The following SETBP1 variants were observed in gnomAD, a reference collection of about 807,000 sequenced individuals.
The protein encoded by SETBP1 is SET binding protein 1.
Under a neutral mutation model 101.0 loss-of-function variants are expected in SETBP1, and 9 were observed. The ratio of observed to expected loss-of-function variants is 0.09; its 90% CI spans 0.05 to 0.16. The LOEUF (loss-of-function observed/expected upper bound fraction) is 0.16, where lower values mean the gene tolerates loss of function less well. Ranked by LOEUF, SETBP1 falls within the 10% of genes least tolerant of loss-of-function variation. The probability of loss-of-function intolerance (pLI) is 1.00; values close to 1 mark genes in which losing one functional copy is unlikely to be tolerated. For missense variants in SETBP1, 1,858 were observed against 2,033.8 expected (o/e 0.91, Z 1.66); for synonymous variants, 818 against 788.5 (o/e 1.04, Z -0.63).
intron 2 of SETBP1, among the ~76,000 whole-genome samples, chr18:44,806,495 A>G (rs1434283355): frequency 1.3e-5 from 2 of 151,972 alleles, no homozygotes; most frequent in African/African-American, 4.8e-5. Context: ...TTTATGTACC[A>G]GTTTGTTTTG....
At chr18:45,049,285 T>C (rs2073681894) in intron 5 of SETBP1, among the ~76,000 whole-genome samples, 1 of 152,044 alleles carries the variant, frequency 6.6e-6, no homozygotes, top group African/African-American at 2.4e-5. Flanking sequence ...AGCATTTATA[T>C]GGAAATAATG....
chr18:44,931,462 G>T (rs955324134), intron 3 of SETBP1, among the ~76,000 whole-genome samples: 10 of 152,140 alleles, frequency 6.6e-5, no homozygotes, highest in Non-Finnish European at 1.3e-4. Flanking sequence ...GGTCCACTTG[G>T]TGCAGAGCTG....
chr18:45,043,457 C>T (rs1451163493), intron 5 of SETBP1, among the ~76,000 whole-genome samples: 2 of 148,932 alleles, frequency 1.3e-5, no homozygotes, highest in Non-Finnish European at 3.0e-5. Context: ...AAAAAGCAAA[C>T]ATGTATCAGC....
intron 4 of SETBP1, among the ~76,000 whole-genome samples, chr18:44,969,463 C>T (rs1458215523): frequency 6.6e-6 from 1 of 152,142 alleles, no homozygotes; most frequent in East Asian, 1.9e-4. Flanking sequence ...TAAGCTTTTC[C>T]CTCCTTCCCA....
intron 4 of SETBP1, among the ~76,000 whole-genome samples, chr18:44,966,792 A>G (rs1017094569): frequency 6.6e-6 from 1 of 152,216 alleles, no homozygotes; most frequent in African/African-American, 2.4e-5. Context: ...CTAGATTTGG[A>G]TGCTAAATAT....
At chr18:45,043,440 A>G (rs1239242158) in intron 5 of SETBP1, among the ~76,000 whole-genome samples, 1 of 112,174 alleles carries the variant, frequency 8.9e-6, no homozygotes, top group Non-Finnish European at 1.9e-5. Context: ...GTCCAAGGAG[A>G]AAAAAAAAAA....
chr18:44,855,095 C>T (rs560653854), intron 2 of SETBP1, among the ~76,000 whole-genome samples: 1 of 152,292 alleles, frequency 6.6e-6, no homozygotes, highest in African/African-American at 2.4e-5. Flanking sequence ...GAGAGGCCTT[C>T]CCTGATCAGC....
At chr18:44,854,094 A>G (rs181750131) in intron 2 of SETBP1, among the ~76,000 whole-genome samples, 181 of 152,128 alleles carry the variant, frequency 1.2e-3, no homozygotes, top group African/African-American at 4.1e-3. Context: ...TGTCTCCCCT[A>G]ATAGACTCTT....
At chr18:45,005,739 C>T (rs1026490470) in intron 4 of SETBP1, among the ~76,000 whole-genome samples, 4 of 149,990 alleles carry the variant, frequency 2.7e-5, no homozygotes, top group Non-Finnish European at 4.4e-5. Context: ...CCCCACCTTC[C>T]GGGTTCACGC....
chr18:44,792,500 T>A (rs907339317), intron 2 of SETBP1, among the ~76,000 whole-genome samples: 4 of 152,224 alleles, frequency 2.6e-5, no homozygotes, highest in Non-Finnish European at 5.9e-5. Flanking sequence ...TCCGGGTCTT[T>A]GGTGGTAGAG....
chr18:45,047,961 C>T (rs537979157), intron 5 of SETBP1, among the ~76,000 whole-genome samples: 26 of 152,308 alleles, frequency 1.7e-4, no homozygotes, highest in African/African-American at 5.3e-4. Context: ...CCTGCTGCTT[C>T]AATTGGAACA....
At chr18:44,823,550 G>C (rs369028027) in intron 2 of SETBP1, among the ~76,000 whole-genome samples, 1 of 152,212 alleles carries the variant, frequency 6.6e-6, no homozygotes, top group African/African-American at 2.4e-5. Flanking sequence ...TCAGGCTTAC[G>C]AGCTGCTGAC....
intron 2 of SETBP1, among the ~76,000 whole-genome samples, chr18:44,755,943 C>T (rs921266604): frequency 3.3e-5 from 5 of 152,042 alleles, no homozygotes; most frequent in African/African-American, 4.8e-5. Context: ...TGGCCGGGCG[C>T]GGTGGCTCAC....
intron 2 of SETBP1, among the ~76,000 whole-genome samples, chr18:44,748,381 CA>C (rs2070307780): frequency 6.6e-6 from 1 of 152,194 alleles, no homozygotes; most frequent in Admixed American, 6.5e-5. Context: ...ATAAGGAGAG[CA>C]AACAAGAACA....
chr18:44,851,113 C>G (rs1394738448), intron 2 of SETBP1, among the ~76,000 whole-genome samples: 1 of 152,144 alleles, frequency 6.6e-6, no homozygotes, highest in Non-Finnish European at 1.5e-5. Context: ...ATATTGTCAT[C>G]ATCATCATCA....
chr18:44,917,685 T>G (rs2070468600), intron 3 of SETBP1, among the ~76,000 whole-genome samples: 1 of 152,080 alleles, frequency 6.6e-6, no homozygotes, highest in Admixed American at 6.5e-5. Flanking sequence ...CCTCAGCATT[T>G]CCCTCACCCT....
At chr18:44,965,874 C>T (rs1260549830) in intron 4 of SETBP1, among the ~76,000 whole-genome samples, 1 of 152,184 alleles carries the variant, frequency 6.6e-6, no homozygotes, top group Non-Finnish European at 1.5e-5. Context: ...GGAATGTCAG[C>T]TCCACCTACA....
chr18:44,696,160 A>T (rs2069014946), intron 1 of SETBP1, among the ~76,000 whole-genome samples: 1 of 152,206 alleles, frequency 6.6e-6, no homozygotes, highest in African/African-American at 2.4e-5. Context: ...AGTGTTGATT[A>T]TGTGTTGGCC....
At chr18:44,775,815 C>CGT (rs1323702830) in intron 2 of SETBP1, among the ~76,000 whole-genome samples, 1 of 151,842 alleles carries the variant, frequency 6.6e-6, no homozygotes, top group Non-Finnish European at 1.5e-5. Context: ...CCTTAAGGGC[C>CGT]GTCTCACTCA....
Sources: allele counts gnomAD v4.1 joint callset (sites outside exome capture counted in the v4.1 genomes callset), GRCh38; gene constraint gnomAD v4.1.1; transcripts MANE v1.5; gene names NCBI Gene and HGNC (gene_info 2026-07-23, HGNC 2026-07-21).